ZNF536: variants seen among roughly 807,000 people sequenced by gnomAD.
ZNF536 encodes the protein zinc finger protein 536.
A neutral mutation model predicts 84.5 loss-of-function variants in ZNF536; 13 were observed. The observed-to-expected ratio is 0.15, with a 90% CI of 0.10 to 0.24. The LOEUF (loss-of-function observed/expected upper bound fraction) is 0.24. Among genes scored for constraint, ZNF536 ranks in the 10% least tolerant of loss-of-function variants. The probability of loss-of-function intolerance (pLI) is 1.00; values close to 1 mark genes in which losing one functional copy is unlikely to be tolerated. For synonymous variants in ZNF536, 811 were observed against 742.5 expected (o/e 1.09, Z -1.50); for missense variants, 1,536 against 1,747.5 (o/e 0.88, Z 2.16).
intron 1 of ZNF536, among the ~76,000 whole-genome samples, chr19:30,570,162 C>G (rs187244681): frequency 6.6e-6 from 1 of 152,328 alleles, no homozygotes; most frequent in Admixed American, 6.5e-5. Context: ...CAGTGAAACT[C>G]CGAGTTGGAC....
intron 2 of ZNF536, among the ~76,000 whole-genome samples, chr19:30,474,505 A>C (rs1367410214): frequency 6.6e-6 from 1 of 152,042 alleles, no homozygotes; most frequent in South Asian, 2.1e-4. Context: ...TGGGTCCCAG[A>C]CAGCAGTGTG....
At chr19:30,313,370 GGT>G (rs1386595163) in intron 2 of ZNF536, among the ~76,000 whole-genome samples, 1 of 152,130 alleles carries the variant, frequency 6.6e-6, no homozygotes, top group Non-Finnish European at 1.5e-5. Context: ...ATCTACTAGT[GGT>G]GGCTGACTTC....
At chr19:30,495,938 G>C (rs1200631104) in intron 2 of ZNF536, among the ~76,000 whole-genome samples, 2 of 152,200 alleles carry the variant, frequency 1.3e-5, no homozygotes, top group African/African-American at 2.4e-5. Flanking sequence ...GTAGTCAAAA[G>C]CATCAGGATT....
chr19:30,319,983 G>T lies in ZNF536; in HGVS notation c.-119-32385G>T, dbSNP rs1011508004. 2.4e-4 allele frequency among the ~76,000 whole-genome samples: 36 copies of T among 152,300 alleles called. No individual in the cohort carries two copies. The South Asian group carries it at 6.6e-3, about 28-fold the overall frequency. On this transcript the variant is annotated intron_variant, in intron 2 of 5. Transcript: ENST00000585628. ...ACTTTTTATAGCCATTAATGTTTCA[G>T]TAAACCTTGCATGACTGTATGCAAT...
intron 1 of ZNF536, among the ~76,000 whole-genome samples, chr19:30,701,158 A>G (rs2051933609): frequency 6.6e-6 from 1 of 152,008 alleles, no homozygotes; most frequent in African/African-American, 2.4e-5. Context: ...CTGTAAGGGG[A>G]GTGACATCTG....
At chr19:30,406,129 G>A (rs2050253409) in intron 1 of ZNF536, among the ~76,000 whole-genome samples, 1 of 152,198 alleles carries the variant, frequency 6.6e-6, no homozygotes, top group Admixed American at 6.5e-5. Context: ...GAGTTCCTGA[G>A]TATCTTCCAT....
chr19:30,615,016 G>C lies in ZNF536; in HGVS notation c.169+65502G>C, dbSNP rs1249678260. The stretch of plus-strand genomic sequence containing the variant: ...GGCTGGAGTGCAGTGGCGCGATCTC[G>C]ACTCACTGCAAGCTCCGCCTCCCGG... On this transcript the variant is annotated intron_variant, in intron 1 of 1. Coordinates refer to the ZNF536 transcript ENST00000592773. Among the ~76,000 whole-genome samples the C allele has an allele frequency of 5.1e-5, 6 of 117,034 alleles. No individual in the cohort carries two copies. In the East Asian group the frequency reaches 1.6e-3, roughly 31 times the overall value. The allele number at this position is 117,034 out of a possible 152,430, so 76.8% of individuals were successfully genotyped here.
chr19:30,564,072 G>A (rs1431479079), intron 1 of ZNF536, among the ~76,000 whole-genome samples: 1 of 152,188 alleles, frequency 6.6e-6, no homozygotes, highest in Non-Finnish European at 1.5e-5. Flanking sequence ...GTGAATGGCT[G>A]AAAGGAAGAG....
Position 30,445,114 on chromosome 19 carries a change from G to T in ZNF536, c.1552G>T (p.Val518Leu). Residue 518 changes from valine to leucine, a missense_variant, in exon 2 of 5, where the codon GTG becomes TTG. Physicochemically the swap from Val to Leu is conservative, Grantham distance 32. Transcript: ENST00000355537. This position sits in a 1 kb window ranked among gnomAD's most constrained non-coding sequence, Gnocchi z 4.5. ...AAAKAAEMDPVNSYQAWQLMA... is the reference protein window; with the variant it reads ...AAAKAAEMDPLNSYQAWQLMA... ...TGCCAAGGCTGCGGAGATGGACCCCGTGAACAGCTACCAGGCTTGGCAGCT... is the reference window on the plus strand; with the variant it reads ...TGCCAAGGCTGCGGAGATGGACCCCTTGAACAGCTACCAGGCTTGGCAGCT... The T allele has an allele frequency of 6.2e-7, 1 of 1,613,914 alleles. No individual in the cohort carries two copies.
chr19:30,647,276 A>T (rs2049510574), intron 1 of ZNF536, among the ~76,000 whole-genome samples: 1 of 152,146 alleles, frequency 6.6e-6, no homozygotes, highest in Admixed American at 6.5e-5. Flanking sequence ...ACTGGTGTTT[A>T]ATTTCTTTGA....
chr19:30,369,605 T>C (rs1284583641), upstream of ZNF536, among the ~76,000 whole-genome samples: 1 of 152,198 alleles, frequency 6.6e-6, no homozygotes, highest in Admixed American at 6.5e-5. Flanking sequence ...ACAAAATTCT[T>C]CCACAAATTG....
chr19:30,664,563 C>T (rs754981822), intron 1 of ZNF536, among the ~76,000 whole-genome samples: 3 of 152,056 alleles, frequency 2.0e-5, no homozygotes, highest in African/African-American at 4.8e-5. Flanking sequence ...TGAATCTCAC[C>T]GGAAAATAGA....
intron 2 of ZNF536, among the ~76,000 whole-genome samples, chr19:30,512,331 C>A (rs1299597652): frequency 6.6e-6 from 1 of 152,014 alleles, no homozygotes; most frequent in Non-Finnish European, 1.5e-5. Flanking sequence ...TGGAAATGGC[C>A]CAAATGTATT....
At chr19:30,516,718 G>C (rs1005987601) in intron 2 of ZNF536, among the ~76,000 whole-genome samples, 1 of 152,184 alleles carries the variant, frequency 6.6e-6, no homozygotes, top group Non-Finnish European at 1.5e-5. Context: ...AAATTAGTGA[G>C]CATTCCAAAG....
At chr19:30,337,518 A>G (rs1305921429) in intron 2 of ZNF536, among the ~76,000 whole-genome samples, 1 of 152,130 alleles carries the variant, frequency 6.6e-6, no homozygotes, top group African/African-American at 2.4e-5. Context: ...GCCTCCCTGT[A>G]CTTTCCTGGG....
intron 1 of ZNF536, among the ~76,000 whole-genome samples, chr19:30,701,187 A>ACT (rs968558108): frequency 2.3e-4 from 14 of 61,106 alleles, no homozygotes; most frequent in East Asian, 8.9e-4. Context: ...GCTATATCTC[A>ACT]CTCTCACACA....
chr19:30,677,834 G>T (rs189450248), intron 1 of ZNF536, among the ~76,000 whole-genome samples: 1 of 152,140 alleles, frequency 6.6e-6, no homozygotes, highest in Non-Finnish European at 1.5e-5. Context: ...GATTTGGGGG[G>T]ACTTGGTGAT....
At position 30,549,281 on chromosome 19, in the gene ZNF536, T is replaced by C; in HGVS notation, c.3662T>C (p.Leu1221Pro). 4 of 1,613,812 alleles carry C rather than the reference T, an allele frequency of 2.5e-6. No homozygotes were observed. Among genetic ancestry groups the C allele is most frequent in the Non-Finnish European group, 2.5e-6 (3 of 1,180,036 alleles). ...PTGTSQPVQGLVSPLSQAPEK... is the reference protein window; with the variant it reads ...PTGTSQPVQGPVSPLSQAPEK... The stretch of plus-strand genomic sequence containing the variant: ...GGCACCTCCCAGCCCGTCCAGGGAC[T>C]GGTCTCACCTTTATCCCAAGCACCG... Residue 1221 changes from leucine (L) to proline (P), a missense_variant, in exon 4 of 5, where the codon CTG becomes CCG. This residue lies in a region of ZNF536 where 624 missense variants were observed against 603.1 expected (regional missense o/e 1.03). Transcript: ENST00000355537.
intron 3 of ZNF536, among the ~76,000 whole-genome samples, chr19:30,536,541 C>T (rs751388242): frequency 3.3e-5 from 5 of 152,166 alleles, no homozygotes; most frequent in Non-Finnish European, 5.9e-5. Context: ...ATTTCTATAA[C>T]CCCAGGGTCT....
Sources: allele counts gnomAD v4.1 joint callset (sites outside exome capture counted in the v4.1 genomes callset), GRCh38; gene constraint gnomAD v4.1.1; regional missense constraint gnomAD v4.1.1; non-coding constraint Gnocchi (gnomAD v3.1); transcripts MANE v1.5; gene names NCBI Gene and HGNC (gene_info 2026-07-23, HGNC 2026-07-21).